The following ADAM22 variants were observed in gnomAD, a reference collection of about 807,000 sequenced individuals.
ADAM22 encodes the protein ADAM metallopeptidase domain 22, also known as disintegrin and metalloproteinase domain-containing protein 22.
A neutral mutation model predicts 144.6 loss-of-function variants in ADAM22; 65 were observed. That is an observed-to-expected ratio of 0.45 (90% CI 0.37 to 0.55). The LOEUF (loss-of-function observed/expected upper bound fraction) is 0.55. Among genes scored for constraint, ADAM22 ranks in the 20% least tolerant of loss-of-function variants. ADAM22 has a pLI of 0.00. For synonymous variants in ADAM22, 391 were observed against 412.6 expected (o/e 0.95, Z 0.63); for missense variants, 974 against 1,184.9 (o/e 0.82, Z 2.61).
chr7:87,969,492 G>A (rs866122702), intron 2 of ADAM22, among the ~76,000 whole-genome samples: 2 of 152,152 alleles, frequency 1.3e-5, no homozygotes, highest in African/African-American at 4.8e-5. Context: ...TGCAAGAGCC[G>A]TATCCAACTC....
At chr7:88,077,522 G>C (rs1563163266) in intron 4 of ADAM22, among the ~76,000 whole-genome samples, 1 of 152,226 alleles carries the variant, frequency 6.6e-6, no homozygotes, top group Non-Finnish European at 1.5e-5. Flanking sequence ...AGTGTACCGT[G>C]CGTGAGCCAA....
intron 30 of ADAM22, among the ~76,000 whole-genome samples, chr7:88,190,427 C>T (rs969552128): frequency 6.6e-6 from 1 of 151,348 alleles, no homozygotes; most frequent in Non-Finnish European, 1.5e-5. Context: ...CCCAGCTACT[C>T]GGGAGGCTGA....
intron 3 of ADAM22, among the ~76,000 whole-genome samples, chr7:88,043,440 G>A (rs1036457474): frequency 2.0e-5 from 3 of 150,510 alleles, no homozygotes; most frequent in South Asian, 2.1e-4. Context: ...AGCCTAGATC[G>A]CGCCACTGCA....
chr7:88,196,141 T>A (rs1294705625), intron 31 of ADAM22, among the ~76,000 whole-genome samples: 1 of 152,174 alleles, frequency 6.6e-6, no homozygotes, highest in Non-Finnish European at 1.5e-5. Flanking sequence ...GAAGGGCATG[T>A]GTAGCTTAAA....
At chr7:88,038,866 G>T (rs1585176165) in intron 3 of ADAM22, among the ~76,000 whole-genome samples, 1 of 150,168 alleles carries the variant, frequency 6.7e-6, no homozygotes, top group Non-Finnish European at 1.5e-5. Flanking sequence ...ATGTAGCCTC[G>T]ACCTTCTGGG....
chr7:88,099,150 C>CTCTTAATTTTTAGGGGAAGATGGAAAA (rs1822237434), intron 4 of ADAM22, among the ~76,000 whole-genome samples: 1 of 152,162 alleles, frequency 6.6e-6, no homozygotes, highest in African/African-American at 2.4e-5. Context: ...CTTAACAGAT[C>CTCTTAATTTTTAGGGGAAGATGGAAAA]TCTTAATTTT....
At chr7:88,054,605 T>C (rs1394301380) in intron 3 of ADAM22, among the ~76,000 whole-genome samples, 1 of 151,252 alleles carries the variant, frequency 6.6e-6, no homozygotes. Context: ...TGTGTGTGTG[T>C]GTGTGTGTGT....
At chr7:87,950,269 C>T (rs1364630861) in intron 2 of ADAM22, among the ~76,000 whole-genome samples, 3 of 145,464 alleles carry the variant, frequency 2.1e-5, no homozygotes, top group African/African-American at 7.6e-5. Context: ...GGTATATCTC[C>T]TAATGCTATC....
At chr7:87,959,636 C>T (rs193248807) in intron 2 of ADAM22, among the ~76,000 whole-genome samples, 1 of 152,242 alleles carries the variant, frequency 6.6e-6, no homozygotes, top group East Asian at 1.9e-4. Flanking sequence ...TTTTAAAAAA[C>T]ATGTTTTGCC....
chr7:87,969,319 C>A (rs1212074319), intron 2 of ADAM22, among the ~76,000 whole-genome samples: 1 of 152,194 alleles, frequency 6.6e-6, no homozygotes, highest in African/African-American at 2.4e-5. Flanking sequence ...TCCTGGAGTG[C>A]TTTCCCTTAC....
At chr7:88,192,768 A>T (rs1849892178) in intron 30 of ADAM22, among the ~76,000 whole-genome samples, 1 of 152,204 alleles carries the variant, frequency 6.6e-6, no homozygotes, top group African/African-American at 2.4e-5. Flanking sequence ...GCACAATATT[A>T]ATATTTTATA....
At chr7:88,193,333 T>C (rs1850018995) in intron 31 of ADAM22, 94 bp downstream of exon 31, 1 of 1,379,778 alleles carries the variant, frequency 7.2e-7, no homozygotes, top group African/African-American at 1.5e-5. Context: ...TTTTCCTCCC[T>C]TGTTCCTAAG....
intron 23 of ADAM22, 31 bp from the exon 24 acceptor site, chr7:88,165,801 A>C (rs1449391009): frequency 7.5e-6 from 11 of 1,472,896 alleles, no homozygotes; most frequent in Non-Finnish European, 9.4e-6. Context: ...CAGAGAGTTG[A>C]CATTTACTCT....
At chr7:87,976,410 AAAG>A (rs1252679466) in intron 2 of ADAM22, among the ~76,000 whole-genome samples, 1 of 152,212 alleles carries the variant, frequency 6.6e-6, no homozygotes, top group East Asian at 1.9e-4. Context: ...GTGCACTTAC[AAAG>A]AAAAGGCTAT....
chr7:88,000,613 T>C (rs1471263757), intron 3 of ADAM22, among the ~76,000 whole-genome samples: 1 of 152,148 alleles, frequency 6.6e-6, no homozygotes, highest in Non-Finnish European at 1.5e-5. Flanking sequence ...GCATTATTTA[T>C]TATAATAAAT....
At chr7:88,156,096 T>C (rs911495839) in intron 22 of ADAM22, 90 bp downstream of exon 22, 20 of 1,415,326 alleles carry the variant, frequency 1.4e-5, no homozygotes, top group Non-Finnish European at 2.0e-5. Context: ...TTAATGTACA[T>C]GTTAGTAGGT....
At chr7:87,976,432 A>G (rs925353102) in intron 2 of ADAM22, among the ~76,000 whole-genome samples, 3 of 152,228 alleles carry the variant, frequency 2.0e-5, no homozygotes, top group African/African-American at 7.2e-5. Context: ...ATGTGAGGAC[A>G]CAGAGAGAAA....
rs1817038082 is a variant in ADAM22, at chr7:88,082,518, A to C, written c.390+6826A>C. 1.3e-5 allele frequency among the ~76,000 whole-genome samples: 2 copies of C among 152,220 alleles called. 1 individual carries two copies. Among genetic ancestry groups the C allele is most frequent in the South Asian group, 4.1e-4 (2 of 4,834 alleles). ...TAATTAAACTAAAGAGCTTCTGCAC[A>C]GCAAAAGAAACCACCATCAGAGTGA... is the stretch of plus-strand genomic sequence containing the variant. On this transcript the variant is annotated intron_variant, in intron 4 of 31. Coordinates refer to ENST00000413139, the MANE Select transcript of ADAM22 (RefSeq NM_001324418.2).
At chr7:88,110,962 C>G (rs1194545547) in intron 5 of ADAM22, among the ~76,000 whole-genome samples, 1 of 145,082 alleles carries the variant, frequency 6.9e-6, no homozygotes, top group African/African-American at 2.6e-5. Context: ...AGGTTGGTCT[C>G]GAACTCCTGA....
Sources: gnomAD v4.1 joint callset for allele counts (sites outside exome capture counted in the v4.1 genomes callset) on GRCh38, gnomAD v4.1.1 for gene constraint, MANE v1.5 for transcripts, NCBI Gene and HGNC (gene_info 2026-07-23, HGNC 2026-07-21) for gene names.